The following GABBR1 variants were observed in gnomAD, a reference collection of about 807,000 sequenced individuals.
The protein encoded by GABBR1 is gamma-aminobutyric acid type B receptor subunit 1.
GABBR1 carries 35 observed loss-of-function variants against 117.7 expected under a neutral mutation model. The ratio of observed to expected loss-of-function variants is 0.30; its 90% CI spans 0.23 to 0.39. The LOEUF (loss-of-function observed/expected upper bound fraction) is 0.39, where lower values mean the gene tolerates loss of function less well. Ranked by LOEUF, GABBR1 falls within the 10% of genes least tolerant of loss-of-function variation. The pLI, the probability that GABBR1 is intolerant of heterozygous loss-of-function variation, is 1.00. For synonymous variants in GABBR1, 442 were observed against 486.6 expected (o/e 0.91, Z 1.21); for missense variants, 709 against 1,241.8 (o/e 0.57, Z 6.45).
Position 29,607,508 on chromosome 6 carries a change from A to AT in GABBR1, c.1993-291dup, listed in dbSNP as rs1762087519. Among the ~76,000 whole-genome samples the AT allele has an allele frequency of 6.6e-6, 1 of 152,050 alleles. No homozygotes were observed. The highest frequency in any genetic ancestry group is 1.5e-5 in the Non-Finnish European group (1 of 68,008). ...AACCTCCAACCACTCCCCAATATCT[A>AT]TAAGTTATAGCCTGAACACTTCTGG... On this transcript the variant is annotated intron_variant, in intron 16 of 22. Transcript: ENST00000377034. This position sits in a 1 kb window ranked among gnomAD's most constrained non-coding sequence, Gnocchi z 5.0.
rs759368125 is a variant in GABBR1 at position 29,607,033 on chromosome 6, C to T, written c.2110-29G>A. 3.4e-5 allele frequency: 55 copies of T among 1,611,186 alleles called. No individual in the cohort carries two copies. Among genetic ancestry groups the T allele is most frequent in the African/African-American group, 1.9e-4 (14 of 74,880 alleles). On this transcript the variant is annotated intron_variant, in intron 17 of 22. Transcript: ENST00000377034. The surrounding 1 kb of genome is among the most constrained non-coding windows in gnomAD (Gnocchi z 5.0). Reference sequence around the variant, plus strand: ...GATAAATATGTGGGGAGAACAGGCACGTCAGGGGAAAATGCTCTGTGCCCC... The same window carrying T: ...GATAAATATGTGGGGAGAACAGGCATGTCAGGGGAAAATGCTCTGTGCCCC...
intron 11 of GABBR1, among the ~76,000 whole-genome samples, chr6:29,615,689 C>T (rs191886036): frequency 6.6e-6 from 1 of 150,628 alleles, no homozygotes. Flanking sequence ...CAGAGGCCAA[C>T]GCAGGAGGAT....
rs756558013 is a variant in GABBR1, at chr6:29,621,202, T to C, written c.1222A>G (p.Ile408Val). 36 of 1,612,970 alleles carry C rather than the reference T, an allele frequency of 2.2e-5. No homozygotes were observed. Among genetic ancestry groups the C allele is most frequent in the Non-Finnish European group, 3.0e-5 (35 of 1,180,040 alleles). ...DNWFKIYDPS[I>V]NCTVDEMTEA... ...GTCATCTCATCCACTGTGCAGTTGA[T>C]AGAAGGGTCGTAGATCTTGAACCAA... The change falls in exon 11 of 23, where the codon ATC (isoleucine) becomes GTC (valine). Residue 408 changes from isoleucine to valine, a missense_variant. Ile to Val is a conservative substitution (Grantham distance 29). Coordinates refer to ENST00000377034, the MANE Select transcript of GABBR1 (RefSeq NM_001470.4). The surrounding 1 kb of genome is among the most constrained non-coding windows in gnomAD (Gnocchi z 5.0).
chr6:29,616,634 G>A (rs189149149), intron 11 of GABBR1, among the ~76,000 whole-genome samples: 10 of 149,760 alleles, frequency 6.7e-5, no homozygotes, highest in Admixed American at 6.0e-4. Context: ...GCAGTGAGCC[G>A]AGATCACACC....
chr6:29,602,508 T>G lies in GABBR1; in HGVS notation c.*1035A>C. The G allele has an allele frequency of 6.1e-6, 1 of 164,382 alleles. No individual in the cohort carries two copies. Among genetic ancestry groups the G allele is most frequent in the South Asian group, 1.5e-4 (1 of 6,498 alleles). 10.2% of individuals were successfully genotyped at this position (164,382 alleles called of 1,614,324 possible). On this transcript the variant is annotated 3_prime_UTR_variant, in exon 23 of 23. Coordinates refer to ENST00000377034, the MANE Select transcript of GABBR1 (RefSeq NM_001470.4). ...GATTGTGAGTGTAGACTGAGGGTAG[T>G]ACATGAATGCAATGGAGATGGGGGG... is the stretch of plus-strand genomic sequence containing the variant.
intron 11 of GABBR1, among the ~76,000 whole-genome samples, chr6:29,618,887 C>A (rs781160966): frequency 6.6e-6 from 1 of 152,126 alleles, no homozygotes; most frequent in Non-Finnish European, 1.5e-5. Context: ...GAGCATGTAT[C>A]CCTCCCCATC....
intron 6 of GABBR1, among the ~76,000 whole-genome samples, chr6:29,625,428 C>T (rs1764173341): frequency 6.6e-6 from 1 of 152,154 alleles, no homozygotes; most frequent in Non-Finnish European, 1.5e-5. Context: ...GGCATGCCCC[C>T]CATTTTGTTT....
intron 11 of GABBR1, among the ~76,000 whole-genome samples, chr6:29,618,040 C>G (rs1763354670): frequency 6.6e-6 from 1 of 152,120 alleles, no homozygotes; most frequent in African/African-American, 2.4e-5. Flanking sequence ...CAGAGCTAAT[C>G]CATACTCTTA....
At chr6:29,616,983 TAAAAAA>T (rs28383952) in intron 11 of GABBR1, among the ~76,000 whole-genome samples, 6 of 71,670 alleles carry the variant, frequency 8.4e-5, no homozygotes, top group Non-Finnish European at 1.5e-4. Flanking sequence ...CCGTCTCTAC[TAAAAAA>T]AAAAAAAAAA....
Position 29,627,854 on chromosome 6 carries a change from G to A in GABBR1, c.497-208C>T. 7.2e-7 allele frequency: 1 copy of A among 1,392,652 alleles called. No homozygotes were observed. Among genetic ancestry groups the A allele is most frequent in the Non-Finnish European group, 9.3e-7 (1 of 1,079,640 alleles). The allele number at this position is 1,392,652 out of a possible 1,614,324, so 86.3% of individuals were successfully genotyped here. A position where few individuals can be genotyped will look rare whatever the true frequency, so the allele number is the denominator to read the frequency against. ...GAGCTCAGGGGGGACACTTTTCCTG[G>A]GGAGGGCTGCTAAGAGGGTGCCGGG... is the stretch of plus-strand genomic sequence containing the variant. On this transcript the variant is annotated intron_variant, in intron 5 of 22. Coordinates refer to ENST00000377034, the MANE Select transcript of GABBR1 (RefSeq NM_001470.4). This position sits in a 1 kb window ranked among gnomAD's most constrained non-coding sequence, Gnocchi z 4.4.
At position 29,602,971 on chromosome 6, in the gene GABBR1, ACAGAG is replaced by A. The variant is rs1761527910; in HGVS notation, c.*567_*571del. 4.4e-6 allele frequency: 2 copies of A among 456,586 alleles called. No homozygotes were observed. The highest frequency in any genetic ancestry group is 8.8e-6 in the Non-Finnish European group (2 of 226,868). 28.3% of individuals were successfully genotyped at this position (456,586 alleles called of 1,614,324 possible). On this transcript the variant is annotated 3_prime_UTR_variant, in exon 23 of 23. Transcript: ENST00000377034. ...ATGCATGTGTGCTGAGCGTGAGTGC[ACAGAG>A]CAGAGGCAAGGAGCATGTGAGCCTT... is the stretch of plus-strand genomic sequence containing the variant.
rs963817802 is a variant in GABBR1, at chr6:29,632,557, G to C, written c.1-172C>G. 4.5e-6 allele frequency: 4 copies of C among 879,868 alleles called. No homozygotes were observed. In the African/African-American group the frequency reaches 7.1e-5, roughly 16 times the overall value. The allele number at this position is 879,868 out of a possible 1,614,324, so 54.5% of individuals were successfully genotyped here. A position where few individuals can be genotyped will look rare whatever the true frequency, so the allele number is the denominator to read the frequency against. On this transcript the variant is annotated intron_variant, in intron 1 of 22. Coordinates refer to ENST00000377034, the MANE Select transcript of GABBR1 (RefSeq NM_001470.4). This position sits in a 1 kb window ranked among gnomAD's most constrained non-coding sequence, Gnocchi z 5.8. The stretch of plus-strand genomic sequence containing the variant: ...GGCGGAGCCCCGCGCGGGGTGGGGG[G>C]AGAGGAGGAGAGAAAGCCTGTCCCC...
At position 29,632,301 on chromosome 6, in the gene GABBR1, C is replaced by T; in HGVS notation, c.85G>A (p.Gly29Ser). Residue 29 changes from glycine (G) to serine (S), a missense_variant and splice_region_variant, in exon 2 of 23, where the codon GGT becomes AGT. By Grantham distance (56) the Gly-to-Ser change is moderately conservative (BLOSUM62 0). This residue lies in a region of GABBR1 where 43 missense variants were observed against 42.8 expected (regional missense o/e 1.00). Coordinates refer to ENST00000377034, the MANE Select transcript of GABBR1 (RefSeq NM_001470.4). The surrounding 1 kb of genome is among the most constrained non-coding windows in gnomAD (Gnocchi z 5.8). Reference protein sequence around the residue: ...GAQTPNATSEGCQIIHPPWEG... With the variant: ...GAQTPNATSESCQIIHPPWEG... ...CGGAGGTCGTCGAAGAAGGATGCAC[C>T]TTCTGAGGTGGCGTTGGGGGTCTGC... The T allele has an allele frequency of 7.2e-7, 1 of 1,380,400 alleles. No homozygotes were observed. Among genetic ancestry groups the T allele is most frequent in the Non-Finnish European group, 9.4e-7 (1 of 1,064,032 alleles). The allele number at this position is 1,380,400 out of a possible 1,614,324, so 85.5% of individuals were successfully genotyped here.
chr6:29,623,490 G>A lies in GABBR1; in HGVS notation c.793-15C>T. ...CCATAGGAAAGCTGTGGGGCAGGGA[G>A]AGTGAGTGCAACAGGGTCTGTTCAC... On this transcript the variant is annotated splice_polypyrimidine_tract_variant and intron_variant, in intron 7 of 22. Transcript: ENST00000377034. This position sits in a 1 kb window ranked among gnomAD's most constrained non-coding sequence, Gnocchi z 6.2. 6.2e-7 allele frequency: 1 copy of A among 1,612,232 alleles called. No individual in the cohort carries two copies. The highest frequency in any genetic ancestry group is 8.5e-7 in the Non-Finnish European group (1 of 1,179,624).
chr6:29,632,154 G>A lies in GABBR1; in HGVS notation c.85+147C>T. 1 of 505,302 alleles carries A rather than the reference G, an allele frequency of 2.0e-6. No individual in the cohort carries two copies. The highest frequency in any genetic ancestry group is 3.5e-6 in the Non-Finnish European group (1 of 285,108). 31.3% of individuals were successfully genotyped at this position (505,302 alleles called of 1,614,324 possible). On this transcript the variant is annotated intron_variant, in intron 2 of 22. Coordinates refer to ENST00000377034, the MANE Select transcript of GABBR1 (RefSeq NM_001470.4). This position sits in a 1 kb window ranked among gnomAD's most constrained non-coding sequence, Gnocchi z 5.8. The stretch of plus-strand genomic sequence containing the variant: ...GTGGGGTGACAGAAGGAGGTCAGCA[G>A]TAGTAAAGTCGGGCCGAGCAGAAGG...
At position 29,631,565 on chromosome 6, in the gene GABBR1, G is replaced by A; in HGVS notation, c.120C>T (p.Gly40=). The A allele has an allele frequency of 6.2e-7, 1 of 1,614,184 alleles. No individual in the cohort carries two copies. The part of the protein sequence containing the change: ...CQIIHPPWEG[G]IRYRGLTRDQ... The stretch of plus-strand genomic sequence containing the variant: ...CCCGAGTCAGGCCCCGGTACCTGAT[G>A]CCCCCTTCCCAGGGCGGGTGTATGA... The change falls in exon 3 of 23, where the codon GGC becomes GGT. Residue 40 remains glycine, a synonymous_variant. Coordinates refer to ENST00000377034, the MANE Select transcript of GABBR1 (RefSeq NM_001470.4). The surrounding 1 kb of genome is among the most constrained non-coding windows in gnomAD (Gnocchi z 5.9).
At position 29,621,843 on chromosome 6, in the gene GABBR1, T is replaced by C. The variant is rs1763782513; in HGVS notation, c.1066-26A>G. 2.5e-6 allele frequency: 4 copies of C among 1,612,916 alleles called. No homozygotes were observed. Among genetic ancestry groups the C allele is most frequent in the Non-Finnish European group, 3.4e-6 (4 of 1,178,918 alleles). On this transcript the variant is annotated intron_variant, in intron 9 of 22. Coordinates refer to ENST00000377034, the MANE Select transcript of GABBR1 (RefSeq NM_001470.4). The surrounding 1 kb of genome is among the most constrained non-coding windows in gnomAD (Gnocchi z 5.0). ...CTACAACAGAGAAAGAAACAGCTCC[T>C]GAGGGATGCCCGGGAATGCCTGAGG...
rs1761687367 is a variant in GABBR1 at position 29,604,003 on chromosome 6, G to A, written c.2713-287C>T. On this transcript the variant is annotated intron_variant, in intron 22 of 22. Transcript: ENST00000377034. This position sits in a 1 kb window ranked among gnomAD's most constrained non-coding sequence, Gnocchi z 5.3. ...AAGGAGAGAAAAGTCAGTGCACAGA[G>A]CTTCCAATAAATCAGAGAGATGTGT... Among the ~76,000 whole-genome samples the A allele has an allele frequency of 6.6e-6, 1 of 152,138 alleles. No homozygotes were observed.
Position 29,621,162 on chromosome 6 carries a change from C to T in GABBR1, c.1262G>A (p.Gly421Asp). ...TVDEMTEAVE[G>D]HITTEIVMLN... Reference sequence around the variant, plus strand: ...CATGACAATCTCAGTTGTGATGTGGCCCTCCACCGCCTCAGTCATCTCATC... The same window carrying T: ...CATGACAATCTCAGTTGTGATGTGGTCCTCCACCGCCTCAGTCATCTCATC... Residue 421 changes from glycine (G) to aspartate (D), a missense_variant, in exon 11 of 23, where the codon GGC becomes GAC. By Grantham distance (94) the Gly-to-Asp change is moderately conservative (BLOSUM62 -1). Transcript: ENST00000377034. The surrounding 1 kb of genome is among the most constrained non-coding windows in gnomAD (Gnocchi z 5.0). The T allele has an allele frequency of 6.2e-7, 1 of 1,613,046 alleles. No homozygotes were observed. The highest frequency in any genetic ancestry group is 8.5e-7 in the Non-Finnish European group (1 of 1,180,024).
Sources: gnomAD v4.1 joint callset for allele counts (sites outside exome capture counted in the v4.1 genomes callset) on GRCh38, gnomAD v4.1.1 for gene constraint, gnomAD v4.1.1 regional missense constraint, Gnocchi (gnomAD v3.1) non-coding constraint, MANE v1.5 for transcripts, NCBI Gene and HGNC (gene_info 2026-07-23, HGNC 2026-07-21) for gene names.